Variants in MID1 observed in about 807,000 individuals in gnomAD.
The protein encoded by MID1 is midline 1.
MID1 carries 7 observed loss-of-function variants against 40.4 expected under a neutral mutation model. The observed-to-expected ratio is 0.17, with a 90% CI of 0.10 to 0.33. The LOEUF is 0.33. MID1 is among the 10% of genes least tolerant of loss of function. The pLI is 1.00. For synonymous variants in MID1, 229 were observed against 221.2 expected, an observed-to-expected ratio of 1.04 and a Z score of -0.31; for missense variants, 367 against 558.5, an observed-to-expected ratio of 0.66 and a Z score of 3.46.
intron 1 of MID1, among the ~76,000 whole-genome samples, chrX:10,719,249 G>A (rs1458126363): frequency 2.7e-5 from 3 of 110,765 alleles, no homozygotes; most frequent in Non-Finnish European, 3.8e-5. Context: ...AAAAGAGGAA[G>A]TCAAATTGTC....
intron 1 of MID1, among the ~76,000 whole-genome samples, chrX:10,666,791 C>T: frequency 9.0e-6 from 1 of 111,596 alleles, no homozygotes; most frequent in South Asian, 3.8e-4. Context: ...TAATTACGGT[C>T]CTCAGCTATA....
chrX:10,579,153 GATA>G (rs968105314), intron 1 of MID1, among the ~76,000 whole-genome samples: 1 of 111,724 alleles, frequency 9.0e-6, no homozygotes, highest in Non-Finnish European at 1.9e-5. Flanking sequence ...GAAACCTGTA[GATA>G]ATGTTTATTT....
rs948970028 is a variant in MID1, at chrX:10,629,480, C to T, written c.-186-9061G>A. On this transcript the variant is annotated intron_variant, in intron 1 of 10. Transcript: ENST00000380785. ...CCTCCCAAAGTGCTGGGATTACAGG[C>T]GTGAGCCACTAAGCCTGGCCAGCAC... is the stretch of plus-strand genomic sequence containing the variant. 4.5e-5 allele frequency among the ~76,000 whole-genome samples: 5 copies of T among 111,892 alleles called. No individual in the cohort carries two copies. In the South Asian group the frequency reaches 1.1e-3, roughly 25 times the overall value.
At chrX:10,780,332 A>G (rs1274367636) in intron 1 of MID1, among the ~76,000 whole-genome samples, 1 of 111,489 alleles carries the variant, frequency 9.0e-6, no homozygotes, top group Non-Finnish European at 1.9e-5. Context: ...TCAAGTGTCC[A>G]TTAGCTGAGA....
At chrX:10,823,216 T>G (rs12012824) in intron 1 of MID1, among the ~76,000 whole-genome samples, 3,796 of 111,119 alleles carry the variant, frequency 0.034, 178 homozygotes, top group African/African-American at 0.12. Context: ...GCAAACTAAT[T>G]CAGGAACAGA....
chrX:10,619,530 C>T (rs1935897842), intron 1 of MID1, among the ~76,000 whole-genome samples: 1 of 112,837 alleles, frequency 8.9e-6, no homozygotes, highest in African/African-American at 3.2e-5. Flanking sequence ...CTCTCCTTGG[C>T]TTCCTACATC....
chrX:10,445,580 A>G lies in MID1; in HGVS notation c.*3788T>C, dbSNP rs993853602. ...GTCTTGGTGCCACAAAAATGATTTT[A>G]TTTTGAACCAGAAAGGAACAGCAAT... On this transcript the variant is annotated 3_prime_UTR_variant, in exon 10 of 10. Coordinates refer to ENST00000317552, the MANE Select transcript of MID1 (RefSeq NM_000381.4). The G allele has an allele frequency of 8.9e-6, 1 of 112,070 alleles. No individual in the cohort carries two copies. Among genetic ancestry groups the G allele is most frequent in the Non-Finnish European group, 1.9e-5 (1 of 53,220 alleles). The allele number at this position is 112,070 out of a possible 1,213,427, so 9.2% of individuals were successfully genotyped here. A position where few individuals can be genotyped will look rare whatever the true frequency, so the allele number is the denominator to read the frequency against.
chrX:10,556,577 A>T (rs1463712807), intron 2 of MID1, among the ~76,000 whole-genome samples: 1 of 112,183 alleles, frequency 8.9e-6, no homozygotes, highest in Non-Finnish European at 1.9e-5. Context: ...CCACCATTGG[A>T]TTACACCAAT....
chrX:10,633,896 A>G (rs1178545616), intron 1 of MID1, among the ~76,000 whole-genome samples: 1 of 111,604 alleles, frequency 9.0e-6, no homozygotes. Context: ...TGCCTAAGAA[A>G]TGTGAGACAT....
intron 1 of MID1, among the ~76,000 whole-genome samples, chrX:10,712,526 G>C (rs1410287841): frequency 9.0e-6 from 1 of 110,990 alleles, no homozygotes; most frequent in Non-Finnish European, 1.9e-5. Context: ...CACTCCAAGG[G>C]AAGAATCAGA....
upstream of MID1, among the ~76,000 whole-genome samples, chrX:10,622,933 G>A (rs1168836822): frequency 9.1e-6 from 1 of 110,480 alleles, no homozygotes; most frequent in African/African-American, 3.3e-5. Context: ...CATTGAGTGA[G>A]GATTTGATCC....
chrX:10,462,657 A>AT (rs111954715), intron 7 of MID1, among the ~76,000 whole-genome samples: 2,280 of 108,258 alleles, frequency 0.021, 50 homozygotes, highest in African/African-American at 0.072. Context: ...GATTTTATAC[A>AT]TTTTTTTTTT....
chrX:10,698,181 G>A (rs1163946266), intron 1 of MID1, among the ~76,000 whole-genome samples: 2 of 112,011 alleles, frequency 1.8e-5, no homozygotes, highest in African/African-American at 3.2e-5. Flanking sequence ...TTTGAGCCAT[G>A]GTCTGGAGGG....
intron 2 of MID1, among the ~76,000 whole-genome samples, chrX:10,545,205 G>T (rs1029637916): frequency 6.3e-5 from 7 of 111,448 alleles, no homozygotes; most frequent in African/African-American, 2.0e-4. Flanking sequence ...CAGGTGATTC[G>T]CCCACCTTGG....
intron 1 of MID1, among the ~76,000 whole-genome samples, chrX:10,778,593 G>A (rs2043823431): frequency 8.9e-6 from 1 of 112,366 alleles, no homozygotes; most frequent in South Asian, 3.7e-4. Context: ...CGGGCCCAAT[G>A]TCATCACAAA....
Position 10,501,257 on chromosome X carries a change from C to T in MID1, c.757-5566G>A, listed in dbSNP as rs777102290. 1.4e-4 allele frequency: 66 copies of T among 485,267 alleles called. No individual in the cohort carries two copies. The South Asian group carries it at 2.3e-3, about 17-fold the overall frequency. 40.0% of individuals were successfully genotyped at this position (485,267 alleles called of 1,213,427 possible). A position where few individuals can be genotyped will look rare whatever the true frequency, so the allele number is the denominator to read the frequency against. On this transcript the variant is annotated intron_variant, in intron 3 of 9. Transcript: ENST00000317552. ...CCAGGAGTCGGAGGTTACAGTGAGC[C>T]GAGATCTCAGGCTAGGCTCCTCAAT...
intron 1 of MID1, among the ~76,000 whole-genome samples, chrX:10,643,548 C>T (rs1050596045): frequency 5.4e-5 from 6 of 111,906 alleles, no homozygotes; most frequent in African/African-American, 1.6e-4. Flanking sequence ...GAAATAGGAA[C>T]GGTTGGTGGG....
intron 1 of MID1, among the ~76,000 whole-genome samples, chrX:10,754,652 C>T (rs1040566875): frequency 9.1e-6 from 1 of 110,442 alleles, no homozygotes; most frequent in African/African-American, 3.3e-5. Context: ...CCCGAGTGAG[C>T]GAGGTGCACT....
intron 3 of MID1, among the ~76,000 whole-genome samples, chrX:10,511,151 A>G (rs1192397619): frequency 1.9e-5 from 2 of 107,175 alleles, no homozygotes; most frequent in Non-Finnish European, 3.8e-5. Context: ...AGGCTGAGAC[A>G]GGAGAATCAC....
Sources: allele counts gnomAD v4.1 joint callset (sites outside exome capture counted in the v4.1 genomes callset), GRCh38; gene constraint gnomAD v4.1.1; transcripts MANE v1.5; gene names NCBI Gene and HGNC (gene_info 2026-07-23, HGNC 2026-07-21).